Variants in PALB2 observed in about 807,000 individuals in gnomAD.
PALB2 encodes partner and localizer of BRCA2.
Under a neutral mutation model 107.4 loss-of-function variants are expected in PALB2, and 82 were observed. The ratio of observed to expected loss-of-function variants is 0.76; its 90% CI spans 0.64 to 0.92. PALB2 has a LOEUF of 0.92. Among genes scored for constraint, PALB2 ranks in the 40% least tolerant of loss-of-function variants. PALB2 has a pLI of 0.00. For missense variants in PALB2, 1,374 were observed against 1,379.9 expected (o/e 1.00, Z 0.07); for synonymous variants, 489 against 496.8 (o/e 0.98, Z 0.21).
chr16:23,630,315 C>T lies in PALB2; in HGVS notation c.1839G>A (p.Gln613=), dbSNP rs199682414. The T allele has an allele frequency of 1.3e-5, 21 of 1,614,178 alleles. No homozygotes were observed. In the East Asian group the frequency reaches 3.6e-4, roughly 27 times the overall value. The change falls in exon 5 of 13, where the codon CAG becomes CAA. Residue 613 remains glutamine, a synonymous_variant. Coordinates refer to ENST00000261584, the MANE Select transcript of PALB2 (RefSeq NM_024675.4). ...GAGGTCCAAAGTCTTCATCAGGTAACTGAAAGTCTGTGATACTGAGAAAAG... is the reference window on the plus strand; with the variant it reads ...GAGGTCCAAAGTCTTCATCAGGTAATTGAAAGTCTGTGATACTGAGAAAAG... The part of the protein sequence containing the change: ...LLSFLSITDF[Q]LPDEDFGPLK...
rs182494675 is a variant in PALB2 at position 23,630,360 on chromosome 16, C to T, written c.1794G>A (p.Leu598=). 47 of 1,614,132 alleles carry T rather than the reference C, an allele frequency of 2.9e-5. No homozygotes were observed. The African/African-American group carries it at 6.1e-4, about 21-fold the overall frequency. Residue 598 remains leucine (L), a synonymous_variant, in exon 5 of 13, where the codon CTG becomes CTA. Coordinates refer to ENST00000261584, the MANE Select transcript of PALB2 (RefSeq NM_024675.4). ...GAAAAGACAGTAGTTGCTTTAAACTCAGCATTCCATCCCTATGAAATGGAG... is the reference window on the plus strand; with the variant it reads ...GAAAAGACAGTAGTTGCTTTAAACTTAGCATTCCATCCCTATGAAATGGAG... ...FTAPFHRDGM[L]SLKQLLSFLS...
At chr16:23,639,461 T>TGGGC (rs1410903964) in intron 1 of PALB2, among the ~76,000 whole-genome samples, 1 of 134,870 alleles carries the variant, frequency 7.4e-6, no homozygotes. Flanking sequence ...GAGGTTGCAG[T>TGGGC]GGGCCTAGAT....
intron 10 of PALB2, among the ~76,000 whole-genome samples, chr16:23,616,668 G>A (rs1966689039): frequency 6.6e-6 from 1 of 152,100 alleles, no homozygotes; most frequent in South Asian, 2.1e-4. Flanking sequence ...TAGAGACCCA[G>A]ATACCTACTG....
rs544805887 is a variant in PALB2, at chr16:23,627,350, G to A, written c.2587-953C>T. Among the ~76,000 whole-genome samples the A allele has an allele frequency of 1.9e-4, 29 of 151,812 alleles. No homozygotes were observed. In the East Asian group the frequency reaches 2.9e-3, roughly 15 times the overall value. On this transcript the variant is annotated intron_variant, in intron 6 of 12. Transcript: ENST00000261584. Reference sequence around the variant, plus strand: ...AAAATACAAAAAATTAGCTGGGCGCGGTGGCGGGCGCCTGTAGTCCCAGCT... The same window carrying A: ...AAAATACAAAAAATTAGCTGGGCGCAGTGGCGGGCGCCTGTAGTCCCAGCT...
intron 7 of PALB2, 163 bp from the exon 8 acceptor site, chr16:23,624,257 A>G: frequency 1.6e-6 from 1 of 642,774 alleles, no homozygotes; most frequent in Non-Finnish European, 2.8e-6. Context: ...AAATCTAAAT[A>G]AACTATATGC....
At chr16:23,604,489 G>A (rs777781504) in intron 12 of PALB2, among the ~76,000 whole-genome samples, 4 of 152,224 alleles carry the variant, frequency 2.6e-5, no homozygotes, top group African/African-American at 4.8e-5. Context: ...ATTATTAGCC[G>A]GGTGTGGTGG....
chr16:23,640,387 C>A (rs1967193131), intron 1 of PALB2: 1 of 202,614 alleles, frequency 4.9e-6, no homozygotes, highest in African/African-American at 2.3e-5. Context: ...TCGTGTAATC[C>A]CAGCTACTCG....
chr16:23,634,963 T>G lies in PALB2; in HGVS notation c.1583A>C (p.Glu528Ala). The G allele has an allele frequency of 6.2e-7, 1 of 1,614,212 alleles. No individual in the cohort carries two copies. The highest frequency in any genetic ancestry group is 1.1e-5 in the South Asian group (1 of 91,090). Reference protein sequence around the residue: ...SACTPASDHCEPLLPTSSLSI... With the variant: ...SACTPASDHCAPLLPTSSLSI... Reference sequence around the variant, plus strand: ...CAGGCTAGAAGTTGGCAAAAGTGGTTCACAATGATCTGATGCTGGGGTGCA... The same window carrying G: ...CAGGCTAGAAGTTGGCAAAAGTGGTGCACAATGATCTGATGCTGGGGTGCA... Residue 528 changes from glutamate (E) to alanine (A), a missense_variant, in exon 4 of 13, where the codon GAA (glutamate) becomes GCA (alanine). Physicochemically the swap from Glu to Ala is moderately radical, Grantham distance 107. Coordinates refer to ENST00000261584, the MANE Select transcript of PALB2 (RefSeq NM_024675.4).
At chr16:23,618,787 A>T (rs1200974152) in intron 10 of PALB2, among the ~76,000 whole-genome samples, 1 of 152,196 alleles carries the variant, frequency 6.6e-6, no homozygotes, top group Non-Finnish European at 1.5e-5. Context: ...TGGACTATGG[A>T]AATAGCACAA....
At position 23,635,723 on chromosome 16, in the gene PALB2, T is replaced by A. The variant is rs1555461608; in HGVS notation, c.823A>T (p.Thr275Ser). 1 of 1,614,124 alleles carries A rather than the reference T, an allele frequency of 6.2e-7. No homozygotes were observed. Among genetic ancestry groups the A allele is most frequent in the Non-Finnish European group, 8.5e-7 (1 of 1,180,026 alleles). Reference protein sequence around the residue: ...IPPKGSSELTTHDLKNIRFTS... With the variant: ...IPPKGSSELTSHDLKNIRFTS... Reference sequence around the variant, plus strand: ...AATCTAATGTTTTTTAGGTCGTGAGTAGTAAGTTCACTGCTACCTTTAGGA... The same window carrying A: ...AATCTAATGTTTTTTAGGTCGTGAGAAGTAAGTTCACTGCTACCTTTAGGA... Residue 275 changes from threonine to serine, a missense_variant, in exon 4 of 13, where the codon ACT becomes TCT. By Grantham distance (58) the Thr-to-Ser change is moderately conservative. Coordinates refer to ENST00000261584, the MANE Select transcript of PALB2 (RefSeq NM_024675.4).
At chr16:23,640,965 A>G (rs1288887659) in intron 1 of PALB2, 145 bp downstream of exon 1, 1 of 907,246 alleles carries the variant, frequency 1.1e-6, no homozygotes, top group African/African-American at 1.7e-5. Flanking sequence ...CCACATTTTC[A>G]TTTTCTGTGC....
rs515726125 is a variant in PALB2, at chr16:23,635,926, G to A, written c.620C>T (p.Pro207Leu). 6.2e-7 allele frequency: 1 copy of A among 1,613,980 alleles called. No homozygotes were observed. Among genetic ancestry groups the A allele is most frequent in the African/African-American group, 1.3e-5 (1 of 74,890 alleles). The change falls in exon 4 of 13, where the codon CCA becomes CTA. Residue 207 changes from proline to leucine, a missense_variant. Transcript: ENST00000261584. ...TTCTGTAACTGGTTCTGGAGAATCT[G>A]GAAGTTCAGATTTAAGACTTAAAAG... ...THLLSLKSEL[P>L]DSPEPVTEIN...
At chr16:23,604,716 A>G (rs1418552634) in intron 12 of PALB2, among the ~76,000 whole-genome samples, 1 of 151,966 alleles carries the variant, frequency 6.6e-6, no homozygotes. Flanking sequence ...CAGTGAGCCA[A>G]GATCGTGCCA....
chr16:23,639,980 G>A (rs944023103), intron 1 of PALB2, among the ~76,000 whole-genome samples: 7 of 151,988 alleles, frequency 4.6e-5, no homozygotes, highest in African/African-American at 1.7e-4. Flanking sequence ...AGCGTCCCCT[G>A]GTTCAAGCGA....
rs1567216902 is a variant in PALB2 at position 23,629,250 on chromosome 16, G to C, written c.2540C>G (p.Ser847Cys). The change falls in exon 6 of 13, where the codon TCT becomes TGT. Residue 847 changes from serine (S) to cysteine (C), a missense_variant. Coordinates refer to ENST00000261584, the MANE Select transcript of PALB2 (RefSeq NM_024675.4). The stretch of plus-strand genomic sequence containing the variant: ...TAGGTTGCCTGGGTTTATGCTATCA[G>C]AAGCAGGAAGCTCTGCTGTTTCAGT... Reference protein sequence around the residue: ...EQTETAELPASDSINPGNLQL... With the variant: ...EQTETAELPACDSINPGNLQL... 6.2e-7 allele frequency: 1 copy of C among 1,613,652 alleles called. No homozygotes were observed. The highest frequency in any genetic ancestry group is 8.5e-7 in the Non-Finnish European group (1 of 1,179,942).
intron 11 of PALB2, among the ~76,000 whole-genome samples, chr16:23,608,860 G>A (rs558335736): frequency 2.4e-3 from 286 of 121,042 alleles, no homozygotes; most frequent in African/African-American, 1.0e-2. Context: ...ACGGAGTTTC[G>A]CTCGTTGCCC....
In PALB2 at chr16:23,641,294, A is replaced by C; in HGVS notation, c.-137T>G. On this transcript the variant is annotated 5_prime_UTR_variant, in exon 1 of 13. Coordinates refer to ENST00000261584, the MANE Select transcript of PALB2 (RefSeq NM_024675.4). ...GGGATCGCACCCTCAGTGCGCGATC[A>C]GCTGACCCACGCGGGCCAAGCGCGC... is the stretch of plus-strand genomic sequence containing the variant. 1 of 1,211,126 alleles carries C rather than the reference A, an allele frequency of 8.3e-7. No individual in the cohort carries two copies. The highest frequency in any genetic ancestry group is 1.2e-6 in the Non-Finnish European group (1 of 852,850). 75.0% of individuals were successfully genotyped at this position (1,211,126 alleles called of 1,614,324 possible).
chr16:23,615,580 C>T (rs762391458), intron 10 of PALB2, among the ~76,000 whole-genome samples: 1 of 152,164 alleles, frequency 6.6e-6, no homozygotes, highest in South Asian at 2.1e-4. Flanking sequence ...GCTGGGATTA[C>T]AGGTGTGAGA....
In PALB2 at chr16:23,603,399, T is replaced by C; in HGVS notation, c.*60A>G. 7.1e-7 allele frequency: 1 copy of C among 1,398,922 alleles called. No individual in the cohort carries two copies. The highest frequency in any genetic ancestry group is 1.4e-5 in the African/African-American group (1 of 70,456). The allele number at this position is 1,398,922 out of a possible 1,614,324, so 86.7% of individuals were successfully genotyped here. On this transcript the variant is annotated 3_prime_UTR_variant, in exon 13 of 13. Coordinates refer to ENST00000261584, the MANE Select transcript of PALB2 (RefSeq NM_024675.4). Reference sequence around the variant, plus strand: ...AGATATTCTCCTTTATATTTAAAACTCCAAAAAATACTAAGAGGCCCAATA... The same window carrying C: ...AGATATTCTCCTTTATATTTAAAACCCCAAAAAATACTAAGAGGCCCAATA...
Sources: gnomAD v4.1 joint callset for allele counts (sites outside exome capture counted in the v4.1 genomes callset) on GRCh38, gnomAD v4.1.1 for gene constraint, MANE v1.5 for transcripts, NCBI Gene and HGNC (gene_info 2026-07-23, HGNC 2026-07-21) for gene names.